Variants in AGTR1 observed in about 807,000 individuals in gnomAD.
AGTR1 encodes the protein type-1 angiotensin II receptor.
AGTR1 carries 16 observed loss-of-function variants against 19.4 expected under a neutral mutation model. The observed-to-expected ratio is 0.82, with a 90% CI of 0.56 to 1.25. The LOEUF is 1.25. Ranked by LOEUF, AGTR1 falls within the 50% of genes most tolerant of loss-of-function variation. AGTR1 has a pLI of 0.00. For synonymous variants in AGTR1, 153 were observed against 154.9 expected, an observed-to-expected ratio of 0.99 and a Z score of 0.09; for missense variants, 373 against 431.9, an observed-to-expected ratio of 0.86 and a Z score of 1.21.
intron 1 of AGTR1, among the ~76,000 whole-genome samples, 185 bp from the exon 2 acceptor site, chr3:148,707,759 C>T (rs1039431851): frequency 3.3e-5 from 5 of 152,070 alleles, no homozygotes; most frequent in Admixed American, 6.6e-5. Flanking sequence ...ATGATGAGAT[C>T]CTGTGCCCAC....
At chr3:148,739,908 C>T (rs1451737606) in intron 2 of AGTR1, 1 of 1,231,952 alleles carries the variant, frequency 8.1e-7, no homozygotes. Context: ...CTGTCCTGGC[C>T]TGTGCCCAAT....
At chr3:148,726,256 T>C (rs1713926859) in intron 2 of AGTR1, among the ~76,000 whole-genome samples, 1 of 151,976 alleles carries the variant, frequency 6.6e-6, no homozygotes. Context: ...TTGCCCAGGC[T>C]GGAGTGCAAT....
intron 2 of AGTR1, among the ~76,000 whole-genome samples, chr3:148,712,521 C>A (rs1270240186): frequency 1.3e-5 from 2 of 152,120 alleles, no homozygotes; most frequent in African/African-American, 4.8e-5. Context: ...TAAGAGCTGT[C>A]TTTTGATCTA....
Position 148,741,001 on chromosome 3 carries a change from T to C in AGTR1, c.-35T>C, listed in dbSNP as rs1278526720. ...TTATTTTCCCCAGGTGTATTTGATA[T>C]AGTGTTTGCAACAAATTCGACCCAG... On this transcript the variant is annotated 5_prime_UTR_variant, in exon 3 of 3. Transcript: ENST00000349243. 7 of 1,612,612 alleles carry C rather than the reference T, an allele frequency of 4.3e-6. No homozygotes were observed. In the East Asian group the frequency reaches 6.7e-5, roughly 15 times the overall value.
intron 1 of AGTR1, among the ~76,000 whole-genome samples, chr3:148,706,261 T>C (rs1414648354): frequency 6.6e-6 from 1 of 151,968 alleles, no homozygotes; most frequent in African/African-American, 2.4e-5. Context: ...GTCCACAGAA[T>C]TCACACGGTC....
At position 148,742,356 on chromosome 3, in the gene AGTR1, T is replaced by C; in HGVS notation, c.*241T>C. The C allele has an allele frequency of 3.2e-6, 2 of 623,512 alleles. No homozygotes were observed. Among genetic ancestry groups the C allele is most frequent in the Non-Finnish European group, 5.9e-6 (2 of 339,240 alleles). The allele number at this position is 623,512 out of a possible 1,614,324, so 38.6% of individuals were successfully genotyped here. A position where few individuals can be genotyped will look rare whatever the true frequency, so the allele number is the denominator to read the frequency against. On this transcript the variant is annotated 3_prime_UTR_variant, in exon 3 of 3. Coordinates refer to ENST00000349243, the MANE Select transcript of AGTR1 (RefSeq NM_000685.5). ...GATGACGGCTGCTCGAAGAACAATG[T>C]CAGAAACTCGATGAATGTGTTGATT...
chr3:148,728,919 T>C (rs1458449928), intron 2 of AGTR1, among the ~76,000 whole-genome samples: 1 of 152,236 alleles, frequency 6.6e-6, no homozygotes, highest in Non-Finnish European at 1.5e-5. Flanking sequence ...AAATTTCTGC[T>C]GGCTCAAATG....
At chr3:148,703,725 T>C (rs1287814056) in intron 1 of AGTR1, among the ~76,000 whole-genome samples, 1 of 152,168 alleles carries the variant, frequency 6.6e-6, no homozygotes, top group East Asian at 1.9e-4. Flanking sequence ...TTACCTACAG[T>C]GTCTGCTCTA....
intron 2 of AGTR1, among the ~76,000 whole-genome samples, chr3:148,736,478 A>G (rs563927291): frequency 3.3e-4 from 50 of 152,358 alleles, no homozygotes; most frequent in African/African-American, 1.2e-3. Flanking sequence ...TTCTGAGTCA[A>G]TGTTTGCCTT....
intron 2 of AGTR1, among the ~76,000 whole-genome samples, chr3:148,732,329 A>G (rs1454656215): frequency 6.6e-6 from 1 of 152,260 alleles, no homozygotes. Context: ...GCTCAAACTC[A>G]TAACATTGAC....
At chr3:148,723,534 A>T (rs979564540) in intron 2 of AGTR1, among the ~76,000 whole-genome samples, 3 of 152,240 alleles carry the variant, frequency 2.0e-5, no homozygotes, top group African/African-American at 7.2e-5. Flanking sequence ...ATTCACTCAC[A>T]TAGAGACTTC....
At chr3:148,736,966 C>T (rs796865682) in intron 2 of AGTR1, among the ~76,000 whole-genome samples, 41 of 152,278 alleles carry the variant, frequency 2.7e-4, no homozygotes, top group African/African-American at 9.1e-4. Flanking sequence ...CTTTTCTAGT[C>T]AATCACATCT....
intron 1 of AGTR1, among the ~76,000 whole-genome samples, chr3:148,700,673 C>T (rs567094096): frequency 4.2e-4 from 64 of 152,250 alleles, no homozygotes; most frequent in South Asian, 1.2e-3. Flanking sequence ...AAGATTAAAA[C>T]GTTGTTTTGA....
At chr3:148,719,886 T>C (rs1713526921) in intron 2 of AGTR1, among the ~76,000 whole-genome samples, 2 of 152,252 alleles carry the variant, frequency 1.3e-5, no homozygotes, top group African/African-American at 2.4e-5. Flanking sequence ...ATTTTGTTTT[T>C]ACTCATTTCT....
chr3:148,725,195 A>C (rs1713859118), intron 2 of AGTR1, among the ~76,000 whole-genome samples: 1 of 152,178 alleles, frequency 6.6e-6, no homozygotes, highest in African/African-American at 2.4e-5. Context: ...TTTTGAAGGA[A>C]GTTTCTGTCA....
rs775756555 is a variant in AGTR1 at position 148,741,929 on chromosome 3, T to C, written c.894T>C (p.Asn298=). 6.2e-7 allele frequency: 1 copy of C among 1,614,108 alleles called. No individual in the cohort carries two copies. The highest frequency in any genetic ancestry group is 8.5e-7 in the Non-Finnish European group (1 of 1,180,022). Residue 298 remains asparagine (N), a synonymous_variant, in exon 3 of 3, where the codon AAT becomes AAC. Transcript: ENST00000349243. Reference sequence around the variant, plus strand: ...TAGCTTATTTTAACAATTGCCTGAATCCTCTTTTTTATGGCTTTCTGGGGA... The same window carrying C: ...TAGCTTATTTTAACAATTGCCTGAACCCTCTTTTTTATGGCTTTCTGGGGA... ...ICIAYFNNCL[N]PLFYGFLGKK... is the part of the protein sequence containing the mutation.
intron 2 of AGTR1, among the ~76,000 whole-genome samples, chr3:148,732,906 A>C (rs986203567): frequency 1.3e-5 from 2 of 149,878 alleles, no homozygotes; most frequent in African/African-American, 4.9e-5. Flanking sequence ...ACGCCCGGCT[A>C]ATTTTTTGTA....
At chr3:148,718,479 C>T (rs1252306748) in intron 2 of AGTR1, among the ~76,000 whole-genome samples, 1 of 152,080 alleles carries the variant, frequency 6.6e-6, no homozygotes, top group Non-Finnish European at 1.5e-5. Flanking sequence ...AGGGTAGACC[C>T]AAATGGACTA....
At chr3:148,698,750 G>A (rs1712138246) in intron 1 of AGTR1, among the ~76,000 whole-genome samples, 1 of 152,178 alleles carries the variant, frequency 6.6e-6, no homozygotes, top group Non-Finnish European at 1.5e-5. Context: ...GAAGCAAGAT[G>A]TCTCCACACC....
Sources: gnomAD v4.1 joint callset for allele counts (sites outside exome capture counted in the v4.1 genomes callset) on GRCh38, gnomAD v4.1.1 for gene constraint, MANE v1.5 for transcripts, NCBI Gene and HGNC (gene_info 2026-07-23, HGNC 2026-07-21) for gene names.